RGS9: variants seen among roughly 807,000 people sequenced by gnomAD.
RGS9 encodes the protein regulator of G-protein signalling 9.
A neutral mutation model predicts 102.0 loss-of-function variants in RGS9; 78 were observed. The ratio of observed to expected loss-of-function variants is 0.76; its 90% confidence interval spans 0.64 to 0.92. The LOEUF (loss-of-function observed/expected upper bound fraction) is 0.92. Among genes scored for constraint, RGS9 ranks in the 40% least tolerant of loss-of-function variants. The pLI, the probability that RGS9 is intolerant of heterozygous loss-of-function variation, is 0.00. For missense variants in RGS9, 833 were observed against 866.1 expected (o/e 0.96, Z 0.48); for synonymous variants, 353 against 318.6 (o/e 1.11, Z -1.15).
chr17:65,197,902 C>G (rs1003502821), intron 13 of RGS9, among the ~76,000 whole-genome samples: 1 of 152,142 alleles, frequency 6.6e-6, no homozygotes, highest in African/African-American at 2.4e-5. Flanking sequence ...AACTCCTGAC[C>G]TCAGGTGATC....
intron 7 of RGS9, among the ~76,000 whole-genome samples, chr17:65,167,204 T>G (rs1472082651): frequency 6.6e-6 from 1 of 152,088 alleles, no homozygotes; most frequent in South Asian, 2.1e-4. Flanking sequence ...CTTTTTTATT[T>G]ATTTATTTTT....
chr17:65,214,874 C>G (rs80015548), intron 17 of RGS9, among the ~76,000 whole-genome samples: 2,799 of 152,312 alleles, frequency 0.018, 84 homozygotes, highest in African/African-American at 0.063. Context: ...ATAAGCGCCA[C>G]TCCCCATCCA....
intron 13 of RGS9, among the ~76,000 whole-genome samples, chr17:65,197,632 T>G (rs1342040024): frequency 6.6e-6 from 1 of 152,146 alleles, no homozygotes. Context: ...TCTTTCTCTT[T>G]TTGTCTCCCA....
chr17:65,188,405 C>T (rs1398785919), intron 9 of RGS9, among the ~76,000 whole-genome samples: 3 of 152,218 alleles, frequency 2.0e-5, no homozygotes, highest in African/African-American at 7.2e-5. Flanking sequence ...CTCGGGGACT[C>T]AGCTTGCAGT....
rs1284196996 is a variant in RGS9, at chr17:65,215,478, ATCTTTCTTTCGTTCTTTCGTTCTT to A, written c.1407+4884_1407+4907del. On this transcript the variant is annotated intron_variant, in intron 17 of 18. Coordinates refer to ENST00000262406, the MANE Select transcript of RGS9 (RefSeq NM_003835.4). Reference sequence around the variant, plus strand: ...TTTCTCTTTCTTTCTTTCTTTCTCTATCTTTCTTTCGTTCTTTCGTTCTTTCTTTCTTTCTTTCTTTCTTTCTTT... The same window carrying A: ...TTTCTCTTTCTTTCTTTCTTTCTCTATCTTTCTTTCTTTCTTTCTTTCTTT... 3.8e-3 allele frequency among the ~76,000 whole-genome samples: 437 copies of A among 114,932 alleles called. 1 individual carries two copies. The highest frequency in any genetic ancestry group is 6.2e-3 in the Non-Finnish European group (343 of 55,660). The allele number at this position is 114,932 out of a possible 152,430, so 75.4% of individuals were successfully genotyped here.
chr17:65,160,515 T>C (rs2143993678), intron 4 of RGS9, 21 bp from the exon 5 acceptor site: 1 of 1,614,162 alleles, frequency 6.2e-7, no homozygotes, highest in East Asian at 2.2e-5. Context: ...TAAAGCGTGG[T>C]TTCCCTGGTT....
intron 16 of RGS9, among the ~76,000 whole-genome samples, chr17:65,208,398 T>C (rs1913152439): frequency 6.6e-6 from 1 of 152,198 alleles, no homozygotes; most frequent in Non-Finnish European, 1.5e-5. Flanking sequence ...TTAGAGAGAA[T>C]AGCAGATTGC....
chr17:65,202,821 C>T (rs1338211844), intron 14 of RGS9, among the ~76,000 whole-genome samples: 1 of 152,196 alleles, frequency 6.6e-6, no homozygotes, highest in African/African-American at 2.4e-5. Context: ...CCCTCCCCAA[C>T]ACTCCTCCCC....
intron 12 of RGS9, among the ~76,000 whole-genome samples, 193 bp downstream of exon 12, chr17:65,193,849 A>G (rs1337951468): frequency 6.6e-6 from 1 of 152,150 alleles, no homozygotes; most frequent in Admixed American, 6.5e-5. Context: ...GCAACTATGA[A>G]TCTACTTTCT....
intron 7 of RGS9, among the ~76,000 whole-genome samples, chr17:65,163,925 A>C (rs1380676988): frequency 6.6e-6 from 1 of 152,198 alleles, no homozygotes; most frequent in African/African-American, 2.4e-5. Flanking sequence ...GGAGCCATAG[A>C]ATGATGTTTA....
intron 9 of RGS9, among the ~76,000 whole-genome samples, chr17:65,183,103 TCTATCTACCTAC>T (rs1911960081): frequency 6.8e-6 from 1 of 147,010 alleles, no homozygotes; most frequent in Non-Finnish European, 1.5e-5. Flanking sequence ...TATCTATCTA[TCTATCTACCTAC>T]CTACCTACAT....
chr17:65,227,241 C>T, intron 18 of RGS9, 34 bp from the exon 19 acceptor site: 1 of 1,614,010 alleles, frequency 6.2e-7, no homozygotes, highest in Non-Finnish European at 8.5e-7. Context: ...CTGCCCCTGC[C>T]CCTACATTAC....
rs867252028 is a variant in RGS9, at chr17:65,158,180, G to A, written c.155-115G>A. 7.9e-5 allele frequency: 76 copies of A among 957,652 alleles called. No homozygotes were observed. The Middle Eastern group carries it at 2.6e-3, about 33-fold the overall frequency. 59.3% of individuals were successfully genotyped at this position (957,652 alleles called of 1,614,324 possible). A position where few individuals can be genotyped will look rare whatever the true frequency, so the allele number is the denominator to read the frequency against. On this transcript the variant is annotated intron_variant, in intron 2 of 18. Coordinates refer to ENST00000262406, the MANE Select transcript of RGS9 (RefSeq NM_003835.4). Reference sequence around the variant, plus strand: ...GTGGGGGTTTCTGAAGGTTCTGAGCGAAGAGGAATGAAATCGCAGCTGAAC... The same window carrying A: ...GTGGGGGTTTCTGAAGGTTCTGAGCAAAGAGGAATGAAATCGCAGCTGAAC...
At chr17:65,187,101 T>A (rs963963795) in intron 9 of RGS9, among the ~76,000 whole-genome samples, 1 of 152,016 alleles carries the variant, frequency 6.6e-6, no homozygotes, top group African/African-American at 2.4e-5. Flanking sequence ...ATTTGGGGAG[T>A]GCTTTCAATT....
intron 17 of RGS9, among the ~76,000 whole-genome samples, chr17:65,215,911 G>T (rs2144119851): frequency 6.6e-6 from 1 of 152,228 alleles, no homozygotes; most frequent in Non-Finnish European, 1.5e-5. Context: ...CCCTCAAGGA[G>T]TTCCAGACTA....
chr17:65,138,959 C>CCCCCCCTCCTTCTCCCCGG (rs1910019602), intron 1 of RGS9, among the ~76,000 whole-genome samples: 1 of 145,886 alleles, frequency 6.9e-6, no homozygotes. Flanking sequence ...TCCTCCCCAG[C>CCCCCCCTCCTTCTCCCCGG]CACCCCTCCT....
intron 8 of RGS9, among the ~76,000 whole-genome samples, chr17:65,175,578 C>T (rs1410728584): frequency 6.6e-6 from 1 of 152,282 alleles, no homozygotes; most frequent in Non-Finnish European, 1.5e-5. Context: ...TCTCGGGGCA[C>T]ACTCACCATG....
At chr17:65,147,048 G>C (rs1028847163) in intron 1 of RGS9, among the ~76,000 whole-genome samples, 1 of 152,112 alleles carries the variant, frequency 6.6e-6, no homozygotes, top group African/African-American at 2.4e-5. Flanking sequence ...ACCTCCCAGT[G>C]CCCCGCAAAC....
chr17:65,183,107 T>C (rs199565560), intron 9 of RGS9, among the ~76,000 whole-genome samples: 33 of 120,330 alleles, frequency 2.7e-4, no homozygotes, highest in South Asian at 8.5e-4. Context: ...TATCTATCTA[T>C]CTACCTACCT....
Sources: allele counts gnomAD v4.1 joint callset (sites outside exome capture counted in the v4.1 genomes callset), GRCh38; gene constraint gnomAD v4.1.1; transcripts MANE v1.5; gene names NCBI Gene and HGNC (gene_info 2026-07-23, HGNC 2026-07-21).